The following ATG10 variants were observed in gnomAD, a reference collection of about 807,000 sequenced individuals.
ATG10 encodes the protein ubiquitin-like-conjugating enzyme ATG10.
A neutral mutation model predicts 32.1 loss-of-function variants in ATG10; 30 were observed. That is an observed-to-expected ratio of 0.94 (90% confidence interval 0.70 to 1.27). The LOEUF (loss-of-function observed/expected upper bound fraction) is 1.27, where lower values mean the gene tolerates loss of function less well. Among genes scored for constraint, ATG10 ranks in the 50% most tolerant of loss-of-function variants. The pLI is 0.00. For synonymous variants in ATG10, 87 were observed against 91.5 expected (o/e 0.95, Z 0.28); for missense variants, 233 against 262.3 (o/e 0.89, Z 0.77).
chr5:82,193,566 C>CA (rs1280546448), intron 5 of ATG10, among the ~76,000 whole-genome samples: 1 of 152,138 alleles, frequency 6.6e-6, no homozygotes, highest in Non-Finnish European at 1.5e-5. Flanking sequence ...TATGGTAATC[C>CA]ATGTAGAGGT....
At chr5:82,178,400 C>T (rs946624703) in intron 4 of ATG10, 90 bp from the exon 5 acceptor site, 7 of 770,580 alleles carry the variant, frequency 9.1e-6, no homozygotes, top group Non-Finnish European at 1.6e-5. Context: ...TTCTAAAAGT[C>T]ATGATATTCT....
chr5:82,004,613 G>A (rs1010261570), intron 2 of ATG10, among the ~76,000 whole-genome samples: 5 of 152,162 alleles, frequency 3.3e-5, no homozygotes, highest in Non-Finnish European at 2.9e-5. Context: ...TTGTTTGTTT[G>A]TTTTTTAATA....
chr5:82,184,443 C>A (rs1415770726), intron 5 of ATG10, among the ~76,000 whole-genome samples: 1 of 152,036 alleles, frequency 6.6e-6, no homozygotes, highest in East Asian at 1.9e-4. Context: ...TTAGGATCCC[C>A]CCTTCCCACC....
At chr5:82,230,731 TCAAAAAAAAA>T (rs1746333037) in intron 5 of ATG10, among the ~76,000 whole-genome samples, 1 of 37,958 alleles carries the variant, frequency 2.6e-5, no homozygotes. Context: ...AGACTCCGTC[TCAAAAAAAAA>T]AAAAAAAAAA....
rs1053210075 is a variant in ATG10 at position 81,993,377 on chromosome 5, T to C, written c.108+5699T>C. On this transcript the variant is annotated intron_variant, in intron 2 of 7. Coordinates refer to ENST00000282185, the MANE Select transcript of ATG10 (RefSeq NM_031482.5). ...TTTCTTTCCTTCTTTTCTTTTCTTT[T>C]CTTTTCTTTTCTTTTTTTTTCTTTT... 2.1e-3 allele frequency among the ~76,000 whole-genome samples: 218 copies of C among 101,954 alleles called. 1 individual carries two copies. Among genetic ancestry groups the C allele is most frequent in the African/African-American group, 9.5e-3 (194 of 20,396 alleles). 66.9% of individuals were successfully genotyped at this position (101,954 alleles called of 152,430 possible). A position where few individuals can be genotyped will look rare whatever the true frequency, so the allele number is the denominator to read the frequency against.
At chr5:81,983,819 C>T (rs1253351409) in intron 1 of ATG10, among the ~76,000 whole-genome samples, 4 of 151,684 alleles carry the variant, frequency 2.6e-5, no homozygotes, top group African/African-American at 4.8e-5. Context: ...CCTCACCTCC[C>T]AGACGGGGTC....
At chr5:82,241,311 G>A (rs994629829) in intron 5 of ATG10, among the ~76,000 whole-genome samples, 3 of 152,184 alleles carry the variant, frequency 2.0e-5, no homozygotes, top group Non-Finnish European at 4.4e-5. Flanking sequence ...GGCTACTACA[G>A]TAACCTCCTA....
chr5:82,101,542 A>G (rs1765274913), intron 3 of ATG10, among the ~76,000 whole-genome samples: 1 of 152,210 alleles, frequency 6.6e-6, no homozygotes, highest in South Asian at 2.1e-4. Context: ...ATGGATATTG[A>G]GAGGCAAATA....
At chr5:82,033,729 AACACACACACAC>A (rs59922803) in intron 2 of ATG10, among the ~76,000 whole-genome samples, 4 of 146,254 alleles carry the variant, frequency 2.7e-5, no homozygotes, top group African/African-American at 5.0e-5. Flanking sequence ...ATACTATACA[AACACACACACAC>A]ACACACACAC....
At chr5:82,172,895 A>G (rs1217919660) in intron 4 of ATG10, among the ~76,000 whole-genome samples, 3 of 152,180 alleles carry the variant, frequency 2.0e-5, no homozygotes, top group Admixed American at 1.3e-4. Flanking sequence ...GAACAATTGC[A>G]CTCATTTCAT....
chr5:82,114,759 A>G (rs905374667), intron 3 of ATG10, among the ~76,000 whole-genome samples: 1 of 152,022 alleles, frequency 6.6e-6, no homozygotes, highest in African/African-American at 2.4e-5. Context: ...TCTAAGTTCT[A>G]TGAAGTGGGC....
intron 1 of ATG10, among the ~76,000 whole-genome samples, chr5:81,983,872 G>A (rs1229877526): frequency 6.6e-6 from 1 of 150,888 alleles, no homozygotes; most frequent in East Asian, 2.0e-4. Context: ...ACGGGGCAGC[G>A]GGGCAGAGGC....
At chr5:82,177,094 G>A (rs1055751439) in intron 4 of ATG10, among the ~76,000 whole-genome samples, 1 of 152,150 alleles carries the variant, frequency 6.6e-6, no homozygotes, top group Non-Finnish European at 1.5e-5. Flanking sequence ...TGGAATAATT[G>A]TGTGAGGGCT....
chr5:82,235,114 G>C (rs1333648229), intron 5 of ATG10, among the ~76,000 whole-genome samples: 1 of 152,070 alleles, frequency 6.6e-6, no homozygotes, highest in East Asian at 1.9e-4. Flanking sequence ...TGGCGGGGAG[G>C]GTGCTGTCAG....
At chr5:81,985,446 C>G (rs1328137694) in intron 1 of ATG10, among the ~76,000 whole-genome samples, 1 of 152,178 alleles carries the variant, frequency 6.6e-6, no homozygotes, top group East Asian at 1.9e-4. Context: ...CTCTTTCCTT[C>G]TGAGTTCAAG....
intron 3 of ATG10, among the ~76,000 whole-genome samples, chr5:82,092,138 T>C (rs1302568136): frequency 1.3e-5 from 2 of 152,174 alleles, no homozygotes; most frequent in African/African-American, 4.8e-5. Context: ...ATTGTCCCAT[T>C]AAAGTATTCT....
chr5:82,141,235 A>T (rs925915353), intron 3 of ATG10, among the ~76,000 whole-genome samples: 2 of 131,086 alleles, frequency 1.5e-5, no homozygotes, highest in African/African-American at 3.5e-5. Flanking sequence ...AAATAAATTA[A>T]AAAAAAAAAA....
intron 5 of ATG10, among the ~76,000 whole-genome samples, chr5:82,222,855 G>C (rs1745981996): frequency 6.6e-6 from 1 of 152,166 alleles, no homozygotes; most frequent in Non-Finnish European, 1.5e-5. Flanking sequence ...TGTTCTTTCA[G>C]GTTTCAAAGA....
intron 5 of ATG10, among the ~76,000 whole-genome samples, chr5:82,216,822 C>T (rs1745699256): frequency 6.6e-6 from 1 of 151,994 alleles, no homozygotes; most frequent in East Asian, 1.9e-4. Flanking sequence ...TTTGGGAGGC[C>T]GAGGTGGGTG....
Sources: allele counts gnomAD v4.1 joint callset (sites outside exome capture counted in the v4.1 genomes callset), GRCh38; gene constraint gnomAD v4.1.1; transcripts MANE v1.5; gene names NCBI Gene and HGNC (gene_info 2026-07-23, HGNC 2026-07-21).